DIS3L2: variants seen among roughly 807,000 people sequenced by gnomAD.
DIS3L2 encodes the protein DIS3-like exonuclease 2.
Under a neutral mutation model 97.5 loss-of-function variants are expected in DIS3L2, and 34 were observed. The observed-to-expected ratio is 0.35, with a 90% CI of 0.27 to 0.46. The LOEUF is 0.46. Ranked by LOEUF, DIS3L2 falls within the 20% of genes least tolerant of loss-of-function variation. DIS3L2 has a pLI of 1.00. For synonymous variants in DIS3L2, 435 were observed against 445.2 expected (o/e 0.98, Z 0.29); for missense variants, 1,038 against 1,146.0 (o/e 0.91, Z 1.36).
intron 1 of DIS3L2, among the ~76,000 whole-genome samples, chr2:231,968,719 T>C (rs1346580380): frequency 6.6e-6 from 1 of 152,246 alleles, no homozygotes; most frequent in Non-Finnish European, 1.5e-5. Context: ...TCCTCTTGGT[T>C]AAATACCTAG....
chr2:232,279,754 C>T (rs1026879172), intron 13 of DIS3L2, among the ~76,000 whole-genome samples: 1 of 152,162 alleles, frequency 6.6e-6, no homozygotes, highest in Non-Finnish European at 1.5e-5. Context: ...TTGTCTCAAA[C>T]TCCTGACCTC....
At chr2:232,289,830 G>A (rs1252106798) in intron 13 of DIS3L2, among the ~76,000 whole-genome samples, 3 of 152,212 alleles carry the variant, frequency 2.0e-5, no homozygotes, top group Non-Finnish European at 2.9e-5. Context: ...GCTGTGGGAG[G>A]CTTCCACAAG....
chr2:232,294,899 G>T (rs1484642815), intron 13 of DIS3L2, among the ~76,000 whole-genome samples: 2 of 152,096 alleles, frequency 1.3e-5, no homozygotes, highest in Non-Finnish European at 2.9e-5. Flanking sequence ...CTCCATTCCA[G>T]ACATCTGTCA....
chr2:232,333,212 T>G (rs1360626518), intron 16 of DIS3L2, among the ~76,000 whole-genome samples: 3 of 15,952 alleles, frequency 1.9e-4, no homozygotes, highest in South Asian at 2.3e-3. Context: ...CTCCTCCTCC[T>G]CCTCCTCCGC....
At chr2:231,975,383 GTTGCTCAACTGAGA>G (rs1208049737) in intron 1 of DIS3L2, among the ~76,000 whole-genome samples, 1 of 151,876 alleles carries the variant, frequency 6.6e-6, no homozygotes, top group Non-Finnish European at 1.5e-5. Context: ...CAGAAATGGG[GTTGCTCAACTGAGA>G]GGTTAAAAAA....
intron 6 of DIS3L2, among the ~76,000 whole-genome samples, chr2:232,094,240 T>C (rs1468399941): frequency 6.6e-6 from 1 of 152,220 alleles, no homozygotes; most frequent in Non-Finnish European, 1.5e-5. Context: ...ATCTAACATA[T>C]GGTCTGTCCT....
chr2:232,221,148 G>T (rs1692496644), intron 10 of DIS3L2, among the ~76,000 whole-genome samples: 1 of 151,610 alleles, frequency 6.6e-6, no homozygotes, highest in Non-Finnish European at 1.5e-5. Flanking sequence ...CATCTCTTGG[G>T]AATGTAGTTG....
chr2:232,256,553 A>G (rs1693567406), intron 12 of DIS3L2, among the ~76,000 whole-genome samples: 1 of 152,210 alleles, frequency 6.6e-6, no homozygotes, highest in African/African-American at 2.4e-5. Context: ...TTTATTCGTC[A>G]CTAGGTTCCA....
intron 9 of DIS3L2, among the ~76,000 whole-genome samples, chr2:232,188,602 A>G (rs558745894): frequency 2.0e-5 from 3 of 152,356 alleles, no homozygotes; most frequent in South Asian, 2.1e-4. Context: ...GCTTAAGTAT[A>G]AAATGTAAAA....
intron 13 of DIS3L2, among the ~76,000 whole-genome samples, chr2:232,285,981 CTG>C (rs939844945): frequency 1.4e-4 from 21 of 152,326 alleles, no homozygotes; most frequent in Admixed American, 1.2e-3. Context: ...TTGAGAATAA[CTG>C]AGAAGAATCA....
intron 16 of DIS3L2, among the ~76,000 whole-genome samples, chr2:232,333,006 A>G (rs1695791417): frequency 6.6e-6 from 1 of 151,792 alleles, no homozygotes; most frequent in South Asian, 2.1e-4. Context: ...CTCCTTGAAC[A>G]AAGACCCACA....
chr2:232,050,628 G>A (rs994212526), intron 5 of DIS3L2, among the ~76,000 whole-genome samples: 7 of 152,062 alleles, frequency 4.6e-5, no homozygotes, highest in African/African-American at 9.7e-5. Context: ...CTTTCTTTAC[G>A]TTCTTTTCCA....
intron 13 of DIS3L2, among the ~76,000 whole-genome samples, chr2:232,271,185 C>T (rs1025618019): frequency 2.0e-5 from 3 of 152,080 alleles, no homozygotes; most frequent in African/African-American, 7.2e-5. Flanking sequence ...GGGGAATGAC[C>T]CCTGCCCCAA....
At chr2:232,047,253 C>T (rs1695267523) in intron 5 of DIS3L2, among the ~76,000 whole-genome samples, 1 of 152,144 alleles carries the variant, frequency 6.6e-6, no homozygotes, top group Admixed American at 6.5e-5. Flanking sequence ...TCCATTTGGC[C>T]TATGCTACTG....
rs1308230796 is a variant in DIS3L2 at position 232,216,028 on chromosome 2, C to T, written c.1204+5623C>T. 5.9e-5 allele frequency among the ~76,000 whole-genome samples: 9 copies of T among 152,230 alleles called. No individual in the cohort carries two copies. In the East Asian group the frequency reaches 1.7e-3, roughly 29 times the overall value. On this transcript the variant is annotated intron_variant, in intron 10 of 20. Coordinates refer to ENST00000325385, the MANE Select transcript of DIS3L2 (RefSeq NM_152383.5). ...CCTGCTTCCTCCTCTTGCTGTACCACCTGAAGTCTCCCTCATCCTATAAAA... is the reference window on the plus strand; with the variant it reads ...CCTGCTTCCTCCTCTTGCTGTACCATCTGAAGTCTCCCTCATCCTATAAAA...
In DIS3L2 at chr2:232,165,684, C is replaced by T. The variant is rs551444957; in HGVS notation, c.1124+2052C>T. ...GATTATAAGCATGTGCGACCACACC[C>T]GGCTAATTCTTTTATTTTACTTTTG... On this transcript the variant is annotated intron_variant, in intron 9 of 20. Transcript: ENST00000325385. Among the ~76,000 whole-genome samples the T allele has an allele frequency of 1.3e-3, 195 of 152,216 alleles. 1 individual carries two copies. Among genetic ancestry groups the T allele is most frequent in the African/African-American group, 4.2e-3 (176 of 41,512 alleles).
At chr2:232,173,574 T>C (rs1450067882) in intron 9 of DIS3L2, among the ~76,000 whole-genome samples, 1 of 152,226 alleles carries the variant, frequency 6.6e-6, no homozygotes, top group Admixed American at 6.5e-5. Context: ...TTAGTTGTTA[T>C]ATTTATGATC....
rs1314755573 is a variant in DIS3L2, at chr2:232,293,492, G to A, written c.1660-6548G>A. Reference sequence around the variant, plus strand: ...GGGACAGGCAGGAAGGGCTCCCCTGGAAGCAGGTGGAGCATGAGGAAGGGC... The same window carrying A: ...GGGACAGGCAGGAAGGGCTCCCCTGAAAGCAGGTGGAGCATGAGGAAGGGC... On this transcript the variant is annotated intron_variant, in intron 13 of 20. Transcript: ENST00000325385. The surrounding 1 kb of genome is among the most constrained non-coding windows in gnomAD (Gnocchi z 4.6). Among the ~76,000 whole-genome samples, 1 of 152,152 alleles carries A rather than the reference G, an allele frequency of 6.6e-6. No individual in the cohort carries two copies. The highest frequency in any genetic ancestry group is 1.9e-4 in the East Asian group (1 of 5,180).
intron 14 of DIS3L2, among the ~76,000 whole-genome samples, chr2:232,322,118 G>GA (rs529827974): frequency 3.5e-4 from 53 of 152,352 alleles, no homozygotes; most frequent in South Asian, 1.0e-3. Flanking sequence ...GGGCAGCAAT[G>GA]TGCTCTCAGG....
Sources: gnomAD v4.1 joint callset for allele counts (sites outside exome capture counted in the v4.1 genomes callset) on GRCh38, gnomAD v4.1.1 for gene constraint, Gnocchi (gnomAD v3.1) non-coding constraint, MANE v1.5 for transcripts, NCBI Gene and HGNC (gene_info 2026-07-23, HGNC 2026-07-21) for gene names.